RASAL2: variants seen among roughly 807,000 people sequenced by gnomAD.
RASAL2 encodes ras GTPase-activating protein nGAP.
A neutral mutation model predicts 128.9 loss-of-function variants in RASAL2; 58 were observed. That is an observed-to-expected ratio of 0.45 (90% confidence interval 0.36 to 0.56). The LOEUF (loss-of-function observed/expected upper bound fraction) is 0.56. RASAL2 is among the 20% of genes least tolerant of loss of function. The pLI, the probability that RASAL2 is intolerant of heterozygous loss-of-function variation, is 0.00. For missense variants in RASAL2, 1,360 were observed against 1,601.6 expected (o/e 0.85, Z 2.57); for synonymous variants, 561 against 580.8 (o/e 0.97, Z 0.49).
At chr1:178,124,835 A>T (rs189490412) in intron 1 of RASAL2, among the ~76,000 whole-genome samples, 5,133 of 152,154 alleles carry the variant, frequency 0.034, 114 homozygotes, top group Non-Finnish European at 0.05. Flanking sequence ...TTGGTTTTTT[A>T]AAAAAACACA....
intron 1 of RASAL2, among the ~76,000 whole-genome samples, chr1:178,151,726 G>C (rs1660921339): frequency 6.6e-6 from 1 of 152,214 alleles, no homozygotes; most frequent in Non-Finnish European, 1.5e-5. Context: ...TTGACTCTGT[G>C]TCAGCAATAG....
chr1:178,120,822 G>A (rs1396719229), intron 1 of RASAL2: 1 of 152,280 alleles, frequency 6.6e-6, no homozygotes, highest in Non-Finnish European at 1.5e-5. Context: ...TTCACAGTAG[G>A]GTTCGTGCTC....
At chr1:178,162,063 C>T (rs1298311485) in intron 1 of RASAL2, among the ~76,000 whole-genome samples, 4 of 150,562 alleles carry the variant, frequency 2.7e-5, no homozygotes, top group African/African-American at 9.7e-5. Context: ...CTCTCAGCTT[C>T]ACGCCATTCT....
intron 3 of RASAL2, among the ~76,000 whole-genome samples, chr1:178,300,839 T>C (rs919360278): frequency 2.0e-5 from 3 of 152,216 alleles, no homozygotes; most frequent in Non-Finnish European, 4.4e-5. Flanking sequence ...TAAGATTAAA[T>C]AGAAAAATGA....
intron 1 of RASAL2, among the ~76,000 whole-genome samples, chr1:178,115,412 A>G (rs1257693851): frequency 1.3e-5 from 2 of 152,128 alleles, no homozygotes; most frequent in African/African-American, 2.4e-5. Context: ...GATCTAATTT[A>G]GTGTGGGAGA....
chr1:178,143,743 C>T (rs533705139), intron 1 of RASAL2, among the ~76,000 whole-genome samples: 1 of 141,340 alleles, frequency 7.1e-6, no homozygotes, highest in South Asian at 2.2e-4. Flanking sequence ...TGCTTTATCT[C>T]TATTGTTTGG....
intron 1 of RASAL2, among the ~76,000 whole-genome samples, chr1:178,281,282 C>T (rs1051455993): frequency 6.6e-6 from 1 of 151,910 alleles, no homozygotes; most frequent in South Asian, 2.1e-4. Context: ...TCATTGTTCT[C>T]TATTTCTTCT....
chr1:178,457,043 T>C (rs1677826901), intron 13 of RASAL2, 144 bp downstream of exon 13: 2 of 732,314 alleles, frequency 2.7e-6, no homozygotes, highest in Non-Finnish European at 2.2e-6. Flanking sequence ...AGTCCAATTA[T>C]TTGTCATAAT....
intron 1 of RASAL2, among the ~76,000 whole-genome samples, chr1:178,219,634 A>C (rs1341366479): frequency 6.8e-6 from 1 of 146,704 alleles, no homozygotes; most frequent in Non-Finnish European, 1.5e-5. Flanking sequence ...TGCCTCAGGA[A>C]AAAAAAAAAA....
chr1:178,444,001 C>T (rs1227933019), intron 8 of RASAL2, among the ~76,000 whole-genome samples: 3 of 151,978 alleles, frequency 2.0e-5, no homozygotes, highest in East Asian at 1.9e-4. Flanking sequence ...CTTGATATGT[C>T]GGAATATATC....
intron 1 of RASAL2, among the ~76,000 whole-genome samples, chr1:178,121,383 T>TA (rs984537083): frequency 2.0e-5 from 3 of 152,220 alleles, no homozygotes; most frequent in Non-Finnish European, 4.4e-5. Flanking sequence ...AAACTGAGGC[T>TA]AAAATAGGTT....
At chr1:178,412,025 C>A in intron 4 of RASAL2, 1 of 438,884 alleles carries the variant, frequency 2.3e-6, no homozygotes, top group Non-Finnish European at 4.1e-6. Flanking sequence ...AACAAGACTC[C>A]TCAAAATACT....
rs1658928835 is a variant in RASAL2, at chr1:178,102,295, C to T, written c.202+7601C>T. On this transcript the variant is annotated intron_variant, in intron 1 of 17. Coordinates refer to ENST00000367649, the MANE Select transcript of RASAL2 (RefSeq NM_170692.4). ...AAAATTAAAATCATTTGTAATTCTA[C>T]CTCTTAGAGATAACTATCATTTTTT... Among the ~76,000 whole-genome samples, 4 of 152,080 alleles carry T rather than the reference C, an allele frequency of 2.6e-5. No homozygotes were observed. The South Asian group carries it at 8.3e-4, about 32-fold the overall frequency.
At chr1:178,408,634 T>C (rs1170305758) in intron 4 of RASAL2, among the ~76,000 whole-genome samples, 1 of 151,326 alleles carries the variant, frequency 6.6e-6, no homozygotes, top group Non-Finnish European at 1.5e-5. Context: ...TTGTTTTGCT[T>C]CTCTTTTTTT....
rs1665632967 is a variant in RASAL2, at chr1:178,260,366, ATATATATATATATATAT to A, written c.203-23197_203-23181del. Among the ~76,000 whole-genome samples the A allele has an allele frequency of 1.6e-4, 3 of 19,296 alleles. 1 individual carries two copies. The highest frequency in any genetic ancestry group is 4.3e-3 in the East Asian group (2 of 466). 12.7% of individuals were successfully genotyped at this position (19,296 alleles called of 152,430 possible). On this transcript the variant is annotated intron_variant, in intron 1 of 17. Coordinates refer to ENST00000367649, the MANE Select transcript of RASAL2 (RefSeq NM_170692.4). ...GACTCGTCTCAAAAAAAAAAAAAAT[ATATATATATATATATAT>A]ATATATATATATATATATATATATA...
At chr1:178,368,635 T>TC (rs1199151595) in intron 3 of RASAL2, among the ~76,000 whole-genome samples, 3 of 149,330 alleles carry the variant, frequency 2.0e-5, no homozygotes, top group Non-Finnish European at 4.5e-5. Context: ...ATTCTTTCTT[T>TC]CTTTTTTTTT....
At chr1:178,346,692 T>C (rs572453175) in intron 3 of RASAL2, among the ~76,000 whole-genome samples, 38 of 152,318 alleles carry the variant, frequency 2.5e-4, no homozygotes, top group Admixed American at 2.2e-3. Context: ...TTTTTTAAAG[T>C]AGCTTTTTAA....
intron 1 of RASAL2, among the ~76,000 whole-genome samples, chr1:178,150,217 C>T (rs943466494): frequency 3.3e-5 from 5 of 151,984 alleles, no homozygotes; most frequent in South Asian, 2.1e-4. Context: ...TTTTTTGCGA[C>T]GGAGTCTCAC....
intron 1 of RASAL2, among the ~76,000 whole-genome samples, chr1:178,270,201 G>T (rs182419938): frequency 2.6e-5 from 4 of 151,794 alleles, no homozygotes; most frequent in Admixed American, 2.6e-4. Flanking sequence ...TGTTTTGGTG[G>T]TCATCTGTTT....
Sources: gnomAD v4.1 joint callset for allele counts (sites outside exome capture counted in the v4.1 genomes callset) on GRCh38, gnomAD v4.1.1 for gene constraint, MANE v1.5 for transcripts, NCBI Gene and HGNC (gene_info 2026-07-23, HGNC 2026-07-21) for gene names.